The following SPTBN1 variants were observed in gnomAD, a reference collection of about 807,000 sequenced individuals.
SPTBN1 encodes spectrin beta chain, non-erythrocytic 1.
Under a neutral mutation model 266.4 loss-of-function variants are expected in SPTBN1, and 32 were observed. The ratio of observed to expected loss-of-function variants is 0.12; its 90% CI spans 0.09 to 0.16. The LOEUF (loss-of-function observed/expected upper bound fraction) is 0.16, where lower values mean the gene tolerates loss of function less well. SPTBN1 is among the 10% of genes least tolerant of loss of function. SPTBN1 has a pLI of 1.00. For missense variants in SPTBN1, 2,296 were observed against 3,067.1 expected (o/e 0.75, Z 5.94); for synonymous variants, 1,336 against 1,162.2 (o/e 1.15, Z -3.04).
At position 54,653,434 on chromosome 2, in the gene SPTBN1, A is replaced by G; in HGVS notation, c.5578-175A>G. 1 of 930,784 alleles carries G rather than the reference A, an allele frequency of 1.1e-6. No homozygotes were observed. Among genetic ancestry groups the G allele is most frequent in the Non-Finnish European group, 1.6e-6 (1 of 636,110 alleles). The allele number at this position is 930,784 out of a possible 1,614,324, so 57.7% of individuals were successfully genotyped here. A position where few individuals can be genotyped will look rare whatever the true frequency, so the allele number is the denominator to read the frequency against. ...AATGTAGTTGAACAGATTTATAGAA[A>G]ACGGGTTTTTGTGACTTGGATCTCC... On this transcript the variant is annotated intron_variant, in intron 26 of 35. Coordinates refer to ENST00000356805, the MANE Select transcript of SPTBN1 (RefSeq NM_003128.3). This position sits in a 1 kb window ranked among gnomAD's most constrained non-coding sequence, Gnocchi z 5.1.
rs1354849791 is a variant in SPTBN1 at position 54,668,933 on chromosome 2, A to G, written c.*364A>G. 9 of 242,944 alleles carry G rather than the reference A, an allele frequency of 3.7e-5. No individual in the cohort carries two copies. In the Admixed American group the frequency reaches 4.7e-4, roughly 13 times the overall value. The allele number at this position is 242,944 out of a possible 1,614,324, so 15.0% of individuals were successfully genotyped here. On this transcript the variant is annotated 3_prime_UTR_variant, in exon 36 of 36. Transcript: ENST00000356805. ...TTAATCAATATTTCCTGTGCTCACC[A>G]GAGGCAAAATGTACCAATATCCTGA...
At chr2:54,523,138 T>C (rs1212157364) in intron 1 of SPTBN1, among the ~76,000 whole-genome samples, 1 of 152,230 alleles carries the variant, frequency 6.6e-6, no homozygotes, top group Non-Finnish European at 1.5e-5. Flanking sequence ...AATTTTCATT[T>C]TTTGGAAGGG....
At chr2:54,572,635 T>G (rs1487399512) in intron 2 of SPTBN1, among the ~76,000 whole-genome samples, 2 of 152,240 alleles carry the variant, frequency 1.3e-5, no homozygotes, top group Non-Finnish European at 2.9e-5. Context: ...CCTCCCAATC[T>G]CTGCCCCCCT....
intron 1 of SPTBN1, among the ~76,000 whole-genome samples, chr2:54,492,716 T>TA (rs1215912838): frequency 6.6e-6 from 1 of 152,214 alleles, no homozygotes; most frequent in Non-Finnish European, 1.5e-5. Context: ...CAAGCAAAGA[T>TA]ACCCCCAGCC....
rs565161085 is a variant in SPTBN1, at chr2:54,479,042, G to A, written c.-48+22524G>A. ...TAACAAACAACTGAGTGTCCTGGCT[G>A]CCTGGCCAGGCTGAAGGAAAGTAAA... On this transcript the variant is annotated intron_variant, in intron 1 of 35. Coordinates refer to ENST00000356805, the MANE Select transcript of SPTBN1 (RefSeq NM_003128.3). 2.9e-4 allele frequency among the ~76,000 whole-genome samples: 44 copies of A among 152,280 alleles called. 1 individual carries two copies. The highest frequency in any genetic ancestry group is 1.0e-3 in the African/African-American group (43 of 41,564).
At chr2:54,536,417 A>G (rs1394142966) in intron 2 of SPTBN1, among the ~76,000 whole-genome samples, 1 of 152,192 alleles carries the variant, frequency 6.6e-6, no homozygotes, top group East Asian at 1.9e-4. Flanking sequence ...TCTAATTAGG[A>G]GAGAAAATTG....
chr2:54,647,116 C>A lies in SPTBN1; in HGVS notation c.4867-15C>A. On this transcript the variant is annotated splice_polypyrimidine_tract_variant and intron_variant, in intron 23 of 35. Transcript: ENST00000356805. ...AGGGGACCGCTATGGTTGTGATGTT[C>A]TCCTGTCTTTGCAGGATGAGCAGAG... 1 of 1,614,120 alleles carries A rather than the reference C, an allele frequency of 6.2e-7. No homozygotes were observed. The highest frequency in any genetic ancestry group is 1.1e-5 in the South Asian group (1 of 91,070).
At position 54,515,227 on chromosome 2, in the gene SPTBN1, G is replaced by A. The variant is rs145017401; in HGVS notation, c.-47-11145G>A. 2.4e-3 allele frequency among the ~76,000 whole-genome samples: 365 copies of A among 152,202 alleles called. 3 individuals are homozygous for A. The highest frequency in any genetic ancestry group is 7.8e-3 in the African/African-American group (324 of 41,534). ...ATCTCCACCCCTACCAATCAGAACT[G>A]CCAACTCAGTGGACCCCTACCCAGC... On this transcript the variant is annotated intron_variant, in intron 1 of 35. Coordinates refer to ENST00000356805, the MANE Select transcript of SPTBN1 (RefSeq NM_003128.3).
At chr2:54,591,556 T>C (rs936062834) in intron 2 of SPTBN1, among the ~76,000 whole-genome samples, 6 of 152,152 alleles carry the variant, frequency 3.9e-5, no homozygotes, top group African/African-American at 1.4e-4. Flanking sequence ...AAGCCAGGTA[T>C]AAATTCAGTC....
At chr2:54,524,746 G>C (rs1558804748) in intron 1 of SPTBN1, among the ~76,000 whole-genome samples, 1 of 152,174 alleles carries the variant, frequency 6.6e-6, no homozygotes. Flanking sequence ...TTGTCTCCGA[G>C]TCTCTCCCGC....
At position 54,659,939 on chromosome 2, in the gene SPTBN1, T is replaced by C. The variant is rs776339851; in HGVS notation, c.6360T>C (p.Asp2120=). 6.2e-7 allele frequency: 1 copy of C among 1,614,110 alleles called. No homozygotes were observed. The highest frequency in any genetic ancestry group is 8.5e-7 in the Non-Finnish European group (1 of 1,179,988). The change falls in exon 32 of 36, where the codon GAT becomes GAC. Residue 2120 remains aspartate (D), a synonymous_variant. Coordinates refer to ENST00000356805, the MANE Select transcript of SPTBN1 (RefSeq NM_003128.3). ...SEEAESQQQW[D]TSKGEQVSQN... ...CTTTTCCCCTCTTCCCTAACAGGGATACTTCAAAAGGAGAACAAGTTTCCC... is the reference window on the plus strand; with the variant it reads ...CTTTTCCCCTCTTCCCTAACAGGGACACTTCAAAAGGAGAACAAGTTTCCC...
intron 3 of SPTBN1, among the ~76,000 whole-genome samples, chr2:54,599,762 G>C (rs1558414373): frequency 6.6e-6 from 1 of 152,178 alleles, no homozygotes; most frequent in Non-Finnish European, 1.5e-5. Context: ...TGGGAAAGGA[G>C]CTTCTGATGA....
chr2:54,585,143 A>G (rs1309555470), intron 2 of SPTBN1, among the ~76,000 whole-genome samples: 2 of 152,248 alleles, frequency 1.3e-5, no homozygotes, highest in African/African-American at 4.8e-5. Flanking sequence ...GAAGAAAATT[A>G]AATTTAGACA....
At chr2:54,650,264 C>T (rs2104108135) in intron 26 of SPTBN1, among the ~76,000 whole-genome samples, 1 of 152,320 alleles carries the variant, frequency 6.6e-6, no homozygotes, top group African/African-American at 2.4e-5. Flanking sequence ...TTATAGGCCT[C>T]AGCAAGTGTT....
Position 54,579,395 on chromosome 2 carries a change from C to T in SPTBN1, c.149-19697C>T, listed in dbSNP as rs118135412. ...GTGACCATTATTTGGGGAAATCATA[C>T]AGTACCACAAACCAGAAGTTTCTGA... On this transcript the variant is annotated intron_variant, in intron 2 of 35. Coordinates refer to ENST00000356805, the MANE Select transcript of SPTBN1 (RefSeq NM_003128.3). 5.3e-5 allele frequency among the ~76,000 whole-genome samples: 8 copies of T among 152,286 alleles called. No individual in the cohort carries two copies. In the East Asian group the frequency reaches 1.5e-3, roughly 29 times the overall value.
chr2:54,477,981 C>T (rs886652466), intron 1 of SPTBN1, among the ~76,000 whole-genome samples: 9 of 152,040 alleles, frequency 5.9e-5, no homozygotes, highest in African/African-American at 2.2e-4. Context: ...CAGAGAAAAC[C>T]TTCTTCAGAG....
At chr2:54,475,768 G>A (rs1667794850) in intron 1 of SPTBN1, among the ~76,000 whole-genome samples, 1 of 152,208 alleles carries the variant, frequency 6.6e-6, no homozygotes, top group African/African-American at 2.4e-5. Flanking sequence ...TAAGGCACAT[G>A]ACTGTTATTA....
chr2:54,473,753 A>G (rs1045215503), intron 1 of SPTBN1, among the ~76,000 whole-genome samples: 3 of 152,236 alleles, frequency 2.0e-5, no homozygotes, highest in African/African-American at 4.8e-5. Context: ...GCAGGCAAAA[A>G]GTTAAATACT....
intron 1 of SPTBN1, among the ~76,000 whole-genome samples, chr2:54,463,152 A>G (rs930065870): frequency 3.9e-5 from 6 of 151,990 alleles, no homozygotes; most frequent in South Asian, 2.1e-4. Flanking sequence ...GAGAGGAGAG[A>G]TGGGAAAATG....
Sources: gnomAD v4.1 joint callset for allele counts (sites outside exome capture counted in the v4.1 genomes callset) on GRCh38, gnomAD v4.1.1 for gene constraint, Gnocchi (gnomAD v3.1) non-coding constraint, MANE v1.5 for transcripts, NCBI Gene and HGNC (gene_info 2026-07-23, HGNC 2026-07-21) for gene names.